PIK3C2A: variants seen among roughly 807,000 people sequenced by gnomAD.
The protein encoded by PIK3C2A is phosphatidylinositol-4-phosphate 3-kinase catalytic subunit type 2 alpha, also known as phosphatidylinositol 4-phosphate 3-kinase C2 domain-containing subunit alpha.
In PIK3C2A, 97 loss-of-function variants were observed where a neutral mutation model predicts 204.5. That is an observed-to-expected ratio of 0.47 (90% confidence interval 0.40 to 0.56). PIK3C2A has a LOEUF of 0.56. Among genes scored for constraint, PIK3C2A ranks in the 20% least tolerant of loss-of-function variants. PIK3C2A has a pLI of 0.00. For missense variants in PIK3C2A, 1,735 were observed against 1,969.2 expected, an observed-to-expected ratio of 0.88 and a Z score of 2.25; for synonymous variants, 653 against 664.4, an observed-to-expected ratio of 0.98 and a Z score of 0.26.
intron 2 of PIK3C2A, among the ~76,000 whole-genome samples, chr11:17,165,810 G>A (rs533780345): frequency 1.9e-4 from 28 of 144,752 alleles, no homozygotes; most frequent in Non-Finnish European, 4.1e-4. Context: ...AAAAAAAAAG[G>A]GAGGGCTTTT....
chr11:17,097,114 T>A lies in PIK3C2A; in HGVS notation c.4269A>T (p.Arg1423=), dbSNP rs61763085. The change falls in exon 27 of 33, where the codon CGA becomes CGT. Residue 1423 remains arginine (R), a synonymous_variant. Transcript: ENST00000691414. ...ATGTAAAAACAGAGACTTCCTTGAT[T>A]CGACCATCTTGTCTAAAGGAGTATG... The part of the protein sequence containing the change: ...PKTYSFRQDG[R]IKEVSVFTYH... The A allele has an allele frequency of 3.7e-4, 589 of 1,609,174 alleles. 3 individuals are homozygous for A. In the African/African-American group the frequency reaches 7.1e-3, roughly 19 times the overall value.
chr11:17,203,450 A>G (rs1234051334), intron 1 of PIK3C2A, among the ~76,000 whole-genome samples: 1 of 152,232 alleles, frequency 6.6e-6, no homozygotes, highest in African/African-American at 2.4e-5. Context: ...AGATGCAGAG[A>G]AAACAAAGAC....
rs61879757 is a variant in PIK3C2A, at chr11:17,207,953, G to A, written c.-171C>T. On this transcript the variant is annotated 5_prime_UTR_variant, in exon 1 of 33. Coordinates refer to ENST00000691414, the MANE Select transcript of PIK3C2A (RefSeq NM_002645.4). ...TGGCTCAGCCGCCGCCGAAAGCTTC[G>A]GCCGACTCCACAGCCAGCCAAGCGC... 0.013 allele frequency: 1,994 copies of A among 152,410 alleles called. 21 individuals carry two copies. The highest frequency in any genetic ancestry group is 0.027 in the Middle Eastern group (8 of 294). 9.4% of individuals were successfully genotyped at this position (152,410 alleles called of 1,614,324 possible).
chr11:17,165,823 A>G (rs1249017853), intron 2 of PIK3C2A, among the ~76,000 whole-genome samples: 1 of 150,380 alleles, frequency 6.6e-6, no homozygotes, highest in Non-Finnish European at 1.5e-5. Context: ...GGGCTTTTAG[A>G]GTCAGATGGG....
At chr11:17,156,480 G>C (rs1850597739) in intron 2 of PIK3C2A, among the ~76,000 whole-genome samples, 1 of 152,038 alleles carries the variant, frequency 6.6e-6, no homozygotes, top group African/African-American at 2.4e-5. Context: ...TTGACCTCCT[G>C]AGGTCAGGTG....
intron 1 of PIK3C2A, among the ~76,000 whole-genome samples, chr11:17,200,943 T>A (rs1047128675): frequency 6.6e-6 from 1 of 152,212 alleles, no homozygotes; most frequent in Admixed American, 6.5e-5. Context: ...CGGTGGCTCA[T>A]GCCTGTAATC....
At chr11:17,206,274 T>C (rs1852570735) in intron 1 of PIK3C2A, among the ~76,000 whole-genome samples, 1 of 152,194 alleles carries the variant, frequency 6.6e-6, no homozygotes, top group African/African-American at 2.4e-5. Flanking sequence ...ACGGAATTTA[T>C]GGAAGAAACT....
At chr11:17,110,609 TAAC>T (rs755459917) in intron 21 of PIK3C2A, 48 bp from the exon 22 acceptor site, 3 of 1,552,306 alleles carry the variant, frequency 1.9e-6, no homozygotes, top group Non-Finnish European at 2.6e-6. Flanking sequence ...CCAAAAGACT[TAAC>T]AGATTACATA....
intron 23 of PIK3C2A, 47 bp downstream of exon 23, chr11:17,105,122 A>G: frequency 6.7e-7 from 1 of 1,485,316 alleles, no homozygotes; most frequent in Non-Finnish European, 9.4e-7. Flanking sequence ...AACCTCTGTA[A>G]CACATTTTTG....
chr11:17,166,062 G>A (rs1008996534), intron 2 of PIK3C2A, among the ~76,000 whole-genome samples: 3 of 152,030 alleles, frequency 2.0e-5, no homozygotes, highest in Non-Finnish European at 4.4e-5. Flanking sequence ...AAATTCTACA[G>A]TATACATCTC....
intron 3 of PIK3C2A, among the ~76,000 whole-genome samples, chr11:17,151,496 T>C (rs1850425649): frequency 6.6e-6 from 1 of 152,184 alleles, no homozygotes. Context: ...ATAAAACAGC[T>C]TGAGATGACA....
At chr11:17,177,733 C>G (rs944915413) in intron 1 of PIK3C2A, among the ~76,000 whole-genome samples, 1 of 152,086 alleles carries the variant, frequency 6.6e-6, no homozygotes, top group Non-Finnish European at 1.5e-5. Flanking sequence ...AAATTTGTCA[C>G]AAAGACAAAA....
chr11:17,175,986 G>A (rs1851324371), intron 1 of PIK3C2A, among the ~76,000 whole-genome samples: 1 of 142,760 alleles, frequency 7.0e-6, no homozygotes, highest in Admixed American at 7.5e-5. Flanking sequence ...ATAAATTAGG[G>A]TACTTCCATG....
rs564449544 is a variant in PIK3C2A at position 17,088,878 on chromosome 11, T to C, written c.*860A>G. ...CCTGGGAATAAATGTAGGATTTTAA[T>C]GGAATGATAGAATTTATTGTACAAT... On this transcript the variant is annotated 3_prime_UTR_variant, in exon 33 of 33. Coordinates refer to ENST00000691414, the MANE Select transcript of PIK3C2A (RefSeq NM_002645.4). 6 of 152,364 alleles carry C rather than the reference T, an allele frequency of 3.9e-5. No homozygotes were observed. Among genetic ancestry groups the C allele is most frequent in the Non-Finnish European group, 2.9e-5 (2 of 68,030 alleles). The allele number at this position is 152,364 out of a possible 1,614,324, so 9.4% of individuals were successfully genotyped here.
rs148115451 is a variant in PIK3C2A at position 17,154,084 on chromosome 11, C to CGTGT, written c.1169+1438_1169+1441dup. On this transcript the variant is annotated intron_variant, in intron 3 of 32. Transcript: ENST00000691414. ...GTTTCGTATCACATTTAAGTGTGTG[C>CGTGT]GTGTGTGTGTGTGTGTAAACAAAAA... Among the ~76,000 whole-genome samples, 16 of 150,970 alleles carry CGTGT rather than the reference C, an allele frequency of 1.1e-4. No homozygotes were observed. In the South Asian group the frequency reaches 2.5e-3, roughly 24 times the overall value.
chr11:17,149,073 A>C (rs1389154735), intron 4 of PIK3C2A, among the ~76,000 whole-genome samples: 1 of 152,182 alleles, frequency 6.6e-6, no homozygotes, highest in East Asian at 1.9e-4. Context: ...AATACTTGAA[A>C]AGAAAAAAAC....
intron 1 of PIK3C2A, among the ~76,000 whole-genome samples, chr11:17,204,736 G>A (rs555834502): frequency 5.9e-5 from 9 of 152,078 alleles, no homozygotes; most frequent in African/African-American, 9.7e-5. Context: ...CAGGCCCTCC[G>A]GCACTCTCAG....
Position 17,148,177 on chromosome 11 carries a change from C to T in PIK3C2A, c.1448+490G>A, listed in dbSNP as rs61762004. On this transcript the variant is annotated intron_variant, in intron 5 of 32. Coordinates refer to ENST00000691414, the MANE Select transcript of PIK3C2A (RefSeq NM_002645.4). ...TGAGCCAAGACTGTGCCACTGCACT[C>T]CAGCCTGGGTAACGAGTGAAACTCC... 901 of 149,882 alleles carry T rather than the reference C, an allele frequency of 6.0e-3. 12 individuals are homozygous for T. Among genetic ancestry groups the T allele is most frequent in the African/African-American group, 0.021 (843 of 40,508 alleles). The allele number at this position is 149,882 out of a possible 1,614,324, so 9.3% of individuals were successfully genotyped here. A position where few individuals can be genotyped will look rare whatever the true frequency, so the allele number is the denominator to read the frequency against.
intron 4 of PIK3C2A, among the ~76,000 whole-genome samples, chr11:17,149,174 G>T (rs1850349781): frequency 6.6e-6 from 1 of 151,848 alleles, no homozygotes; most frequent in South Asian, 2.1e-4. Context: ...CATTTACATT[G>T]TATTAGGTAT....
Sources: allele counts gnomAD v4.1 joint callset (sites outside exome capture counted in the v4.1 genomes callset), GRCh38; gene constraint gnomAD v4.1.1; transcripts MANE v1.5; gene names NCBI Gene and HGNC (gene_info 2026-07-23, HGNC 2026-07-21).